STXBP5L: variants seen among roughly 807,000 people sequenced by gnomAD.
STXBP5L encodes syntaxin binding protein 5L, also known as syntaxin-binding protein 5-like.
Under a neutral mutation model 144.5 loss-of-function variants are expected in STXBP5L, and 65 were observed. That is an observed-to-expected ratio of 0.45 (90% CI 0.37 to 0.55). The LOEUF (loss-of-function observed/expected upper bound fraction) is 0.55, where lower values mean the gene tolerates loss of function less well. Ranked by LOEUF, STXBP5L falls within the 20% of genes least tolerant of loss-of-function variation. The probability of loss-of-function intolerance (pLI) is 0.00; values close to 1 mark genes in which losing one functional copy is unlikely to be tolerated. For missense variants in STXBP5L, 1,298 were observed against 1,405.5 expected, an observed-to-expected ratio of 0.92 and a Z score of 1.22; for synonymous variants, 505 against 469.6, an observed-to-expected ratio of 1.08 and a Z score of -0.97.
chr3:121,343,284 T>G (rs961860921), intron 20 of STXBP5L, among the ~76,000 whole-genome samples: 1 of 152,028 alleles, frequency 6.6e-6, no homozygotes, highest in South Asian at 2.1e-4. Flanking sequence ...TTTCTCCCAT[T>G]TTGTAGGTTG....
chr3:121,383,125 A>G (rs952912370), intron 22 of STXBP5L, among the ~76,000 whole-genome samples: 1 of 151,846 alleles, frequency 6.6e-6, no homozygotes, highest in Non-Finnish European at 1.5e-5. Flanking sequence ...CTACCAAAAA[A>G]TTTTTTTAAA....
Position 121,223,143 on chromosome 3 carries a change from C to T in STXBP5L, c.1097C>T (p.Thr366Met), listed in dbSNP as rs1183782935. 14 of 1,593,570 alleles carry T rather than the reference C, an allele frequency of 8.8e-6. No homozygotes were observed. The highest frequency in any genetic ancestry group is 1.9e-5 in the Admixed American group (1 of 53,814). Residue 366 changes from threonine to methionine, a missense_variant, in exon 11 of 27, where the codon ACG (threonine) becomes ATG (methionine). Thr to Met is a moderately conservative substitution (Grantham distance 81). Transcript: ENST00000471454. ...PIVEFLTLCE[T>M]PYPNEFQEPY... is the part of the protein sequence containing the mutation. ...GTTGAATTTCTAACTTTATGTGAAA[C>T]GCCCTATCCAAATGGTAAGTAACTA... is the stretch of plus-strand genomic sequence containing the variant.
chr3:121,219,766 T>C (rs2048917710), intron 10 of STXBP5L, among the ~76,000 whole-genome samples: 1 of 152,152 alleles, frequency 6.6e-6, no homozygotes, highest in Non-Finnish European at 1.5e-5. Flanking sequence ...ACCCATCTGT[T>C]AAATGGAGAT....
chr3:121,054,285 T>G (rs1576796931), intron 5 of STXBP5L, among the ~76,000 whole-genome samples: 1 of 152,256 alleles, frequency 6.6e-6, no homozygotes, highest in East Asian at 1.9e-4. Flanking sequence ...TAAAGACACA[T>G]GTGCACGAAT....
rs146157690 is a variant in STXBP5L, at chr3:121,148,742, T to C, written c.670-3735T>C. Among the ~76,000 whole-genome samples the C allele has an allele frequency of 9.2e-4, 140 of 152,224 alleles. 1 individual carries two copies. Among genetic ancestry groups the C allele is most frequent in the African/African-American group, 3.2e-3 (131 of 41,552 alleles). On this transcript the variant is annotated intron_variant, in intron 7 of 26. Coordinates refer to ENST00000471454, the MANE Select transcript of STXBP5L (RefSeq NM_001308330.2). ...TGGCAGTATCTATTAAAGTTAAACA[T>C]ACTAATATCCTATGGATCAATATAC...
intron 9 of STXBP5L, among the ~76,000 whole-genome samples, chr3:121,187,644 A>T (rs1177710683): frequency 6.6e-6 from 1 of 152,126 alleles, no homozygotes; most frequent in African/African-American, 2.4e-5. Flanking sequence ...TAACAGGCAA[A>T]ATAATCAGCT....
chr3:120,926,827 G>A (rs1709657280), intron 2 of STXBP5L, among the ~76,000 whole-genome samples: 1 of 151,882 alleles, frequency 6.6e-6, no homozygotes, highest in African/African-American at 2.4e-5. Context: ...AGGGCCTCTA[G>A]TGAGTTTTTC....
chr3:121,038,584 G>T (rs528039067), intron 3 of STXBP5L, among the ~76,000 whole-genome samples: 1 of 151,732 alleles, frequency 6.6e-6, no homozygotes, highest in East Asian at 1.9e-4. Context: ...TTTTTGGGTT[G>T]TGTGTTTTAT....
intron 20 of STXBP5L, among the ~76,000 whole-genome samples, chr3:121,329,206 G>A (rs899598781): frequency 6.6e-5 from 10 of 152,226 alleles, no homozygotes; most frequent in South Asian, 2.1e-4. Flanking sequence ...AAGTCCCGTA[G>A]GTTGGTTAAT....
At chr3:121,096,044 T>C (rs1401220149) in intron 5 of STXBP5L, among the ~76,000 whole-genome samples, 1 of 152,128 alleles carries the variant, frequency 6.6e-6, no homozygotes, top group Non-Finnish European at 1.5e-5. Flanking sequence ...CCCCTTGTGC[T>C]TCCTGGGTGA....
chr3:121,282,757 C>T (rs1427620953), intron 19 of STXBP5L, among the ~76,000 whole-genome samples: 2 of 151,922 alleles, frequency 1.3e-5, no homozygotes, highest in Non-Finnish European at 2.9e-5. Flanking sequence ...ACCAGGGTCA[C>T]AATATTTGCT....
At chr3:121,068,098 G>A (rs748503827) in intron 5 of STXBP5L, among the ~76,000 whole-genome samples, 21 of 152,144 alleles carry the variant, frequency 1.4e-4, no homozygotes, top group Non-Finnish European at 1.9e-4. Flanking sequence ...CAACCTCCAC[G>A]CCCTGGGTTC....
At chr3:121,046,843 T>C (rs2107571195) in intron 5 of STXBP5L, among the ~76,000 whole-genome samples, 1 of 152,272 alleles carries the variant, frequency 6.6e-6, no homozygotes, top group East Asian at 1.9e-4. Flanking sequence ...TTTTTTTGCC[T>C]CTTAGTTTCC....
chr3:121,199,734 A>T (rs750592800), intron 9 of STXBP5L, among the ~76,000 whole-genome samples: 13 of 152,080 alleles, frequency 8.5e-5, no homozygotes, highest in Non-Finnish European at 1.9e-4. Flanking sequence ...GCATCTATTG[A>T]GATAATCATG....
chr3:121,406,828 T>G (rs2047003089), intron 22 of STXBP5L, among the ~76,000 whole-genome samples: 1 of 152,048 alleles, frequency 6.6e-6, no homozygotes, highest in Non-Finnish European at 1.5e-5. Flanking sequence ...TTTCAATAAA[T>G]AAAATATGTA....
intron 5 of STXBP5L, among the ~76,000 whole-genome samples, chr3:121,067,733 T>C (rs1320908592): frequency 6.6e-6 from 1 of 152,192 alleles, no homozygotes; most frequent in African/African-American, 2.4e-5. Context: ...GATTATAAAT[T>C]TTAGAATTTC....
intron 6 of STXBP5L, among the ~76,000 whole-genome samples, chr3:121,117,549 T>A (rs1293620648): frequency 6.6e-6 from 1 of 151,818 alleles, no homozygotes; most frequent in Non-Finnish European, 1.5e-5. Context: ...GTCAAGTGTA[T>A]GGGACAGTAA....
intron 5 of STXBP5L, among the ~76,000 whole-genome samples, chr3:121,048,729 A>C (rs910231517): frequency 6.7e-6 from 1 of 148,174 alleles, no homozygotes; most frequent in African/African-American, 2.5e-5. Flanking sequence ...TCTATTGCCC[A>C]GGCTGGAGTG....
intron 20 of STXBP5L, among the ~76,000 whole-genome samples, chr3:121,368,655 T>C (rs1426159177): frequency 6.6e-6 from 1 of 152,112 alleles, no homozygotes; most frequent in East Asian, 1.9e-4. Context: ...TTGCTTTAGG[T>C]TTTATTTATT....
Sources: allele counts gnomAD v4.1 joint callset (sites outside exome capture counted in the v4.1 genomes callset), GRCh38; gene constraint gnomAD v4.1.1; transcripts MANE v1.5; gene names NCBI Gene and HGNC (gene_info 2026-07-23, HGNC 2026-07-21).